Variants in MXRA5 observed in about 807,000 individuals in gnomAD.
MXRA5 encodes matrix remodeling associated 5.
Under a neutral mutation model 112.5 loss-of-function variants are expected in MXRA5, and 41 were observed. That is an observed-to-expected ratio of 0.36 (90% CI 0.28 to 0.47). MXRA5 has a LOEUF of 0.47. Among genes scored for constraint, MXRA5 ranks in the 20% least tolerant of loss-of-function variants. The probability of loss-of-function intolerance (pLI) is 0.99; values close to 1 mark genes in which losing one functional copy is unlikely to be tolerated. For synonymous variants in MXRA5, 862 were observed against 900.8 expected (o/e 0.96, Z 0.77); for missense variants, 2,150 against 2,251.0 (o/e 0.96, Z 0.91).
Position 3,323,076 on chromosome X carries a change from T to C in MXRA5, c.2609A>G (p.Asn870Ser), listed in dbSNP as rs138091994. ...SASMGLEHNH[N>S]GVILVEPEVT... Reference sequence around the variant, plus strand: ...TTCAGGTTCAACAAGAATAACTCCATTGTGGTTGTGTTCTAGCCCCATGCT... The same window carrying C: ...TTCAGGTTCAACAAGAATAACTCCACTGTGGTTGTGTTCTAGCCCCATGCT... The change falls in exon 5 of 7, where the codon AAT becomes AGT. Residue 870 changes from asparagine (N) to serine (S), a missense_variant. By Grantham distance (46) the Asn-to-Ser change is conservative. Transcript: ENST00000217939. 4.5e-5 allele frequency: 54 copies of C among 1,209,876 alleles called. No individual in the cohort carries two copies. Among genetic ancestry groups the C allele is most frequent in the African/African-American group, 3.8e-4 (22 of 57,145 alleles).
intron 2 of MXRA5, among the ~76,000 whole-genome samples, chrX:3,331,939 G>T (rs752573391): frequency 2.6e-4 from 29 of 112,016 alleles, no homozygotes; most frequent in Admixed American, 5.7e-4. Flanking sequence ...ATCACTGATT[G>T]CTTCTTCTTA....
rs1225382890 is a variant in MXRA5, at chrX:3,309,152, C to T, written c.*564G>A. ...TTTCTTTTTTCATATAAAATGGTAG[C>T]TGTATGTATGTAACTCTGAATTAAA... On this transcript the variant is annotated 3_prime_UTR_variant, in exon 7 of 7. Transcript: ENST00000217939. The T allele has an allele frequency of 6.3e-5, 7 of 110,445 alleles. No homozygotes were observed. Among genetic ancestry groups the T allele is most frequent in the Non-Finnish European group, 1.3e-4 (7 of 53,013 alleles). 9.1% of individuals were successfully genotyped at this position (110,445 alleles called of 1,213,427 possible). A position where few individuals can be genotyped will look rare whatever the true frequency, so the allele number is the denominator to read the frequency against.
rs1921173542 is a variant in MXRA5 at position 3,317,406 on chromosome X, G to A, written c.6275C>T (p.Ser2092Leu). The part of the protein sequence containing the change: ...VLGDGTQIRP[S>L]QFLHGNLFVF... ...AAACAAGTTCCCGTGGAGGAACTGC[G>A]AGGGGCGGATCTGGGTACCGTCCCC... The change falls in exon 6 of 7, where the codon TCG becomes TTG. Residue 2092 changes from serine (S) to leucine (L), a missense_variant. By Grantham distance (145) the Ser-to-Leu change is moderately radical (BLOSUM62 -2). This residue lies in a region of MXRA5 where 1,485 missense variants were observed against 1,471.6 expected (regional missense o/e 1.01). Transcript: ENST00000217939. 2 of 1,205,841 alleles carry A rather than the reference G, an allele frequency of 1.7e-6. No homozygotes were observed. The highest frequency in any genetic ancestry group is 1.8e-5 in the South Asian group (1 of 56,001).
chrX:3,316,342 A>G (rs1166032413), intron 6 of MXRA5, among the ~76,000 whole-genome samples: 1 of 94,044 alleles, frequency 1.1e-5, no homozygotes, highest in Non-Finnish European at 2.1e-5. Context: ...AAATAAATAA[A>G]TAAATAAATA....
intron 4 of MXRA5, among the ~76,000 whole-genome samples, chrX:3,328,785 A>G (rs1312908712): frequency 1.1e-5 from 1 of 94,215 alleles, no homozygotes; most frequent in Non-Finnish European, 2.1e-5. Context: ...ATAGGGAGGG[A>G]GGGAGAGTGA....
At chrX:3,331,919 C>A (rs1921672948) in intron 2 of MXRA5, among the ~76,000 whole-genome samples, 1 of 112,203 alleles carries the variant, frequency 8.9e-6, no homozygotes. Flanking sequence ...CATAACACAT[C>A]TAGCCTGATA....
Position 3,322,647 on chromosome X carries a change from C to T in MXRA5, c.3038G>A (p.Ser1013Asn), listed in dbSNP as rs200361937. Residue 1013 changes from serine to asparagine, a missense_variant, in exon 5 of 7, where the codon AGT becomes AAT. Physicochemically the swap from Ser to Asn is conservative, Grantham distance 46. Transcript: ENST00000217939. ...AGAATCCTCAAATAACTGTGATGTA[C>T]TGGAGTCATTAACCCAGATGGTGGG... is the stretch of plus-strand genomic sequence containing the variant. Reference protein sequence around the residue: ...PTPTIWVNDSSTSQLFEDSTI... With the variant: ...PTPTIWVNDSNTSQLFEDSTI... 8.3e-6 allele frequency: 10 copies of T among 1,209,927 alleles called. No homozygotes were observed. In the East Asian group the frequency reaches 2.7e-4, roughly 32 times the overall value.
intron 2 of MXRA5, among the ~76,000 whole-genome samples, chrX:3,342,028 GTACATA>G (rs1270998374): frequency 1.6e-5 from 1 of 61,353 alleles, no homozygotes; most frequent in Non-Finnish European, 4.0e-5. Flanking sequence ...AGAAAATGTG[GTACATA>G]TACACCATGG....
At chrX:3,332,712 C>T (rs1921696438) in intron 2 of MXRA5, among the ~76,000 whole-genome samples, 2 of 112,014 alleles carry the variant, frequency 1.8e-5, no homozygotes, top group Admixed American at 1.9e-4. Context: ...AGTCAATGAA[C>T]AATCATATAT....
chrX:3,320,236 A>C lies in MXRA5; in HGVS notation c.5449T>G (p.Ser1817Ala), dbSNP rs201208929. ...GACTGGACAGAAGATGTTATAAAGG[A>C]GATAGAACTCTGGGTGGAAGAGACC... ...PMVSSTQSSI[S>A]FITSSVQSSG... is the part of the protein sequence containing the mutation. The change falls in exon 5 of 7, where the codon TCC becomes GCC. Residue 1817 changes from serine to alanine, a missense_variant. Coordinates refer to ENST00000217939, the MANE Select transcript of MXRA5 (RefSeq NM_015419.4). 20 of 1,210,882 alleles carry C rather than the reference A, an allele frequency of 1.7e-5. No homozygotes were observed. The highest frequency in any genetic ancestry group is 2.2e-5 in the Non-Finnish European group (20 of 894,975).
chrX:3,342,465 T>G (rs760569493), intron 2 of MXRA5, among the ~76,000 whole-genome samples: 1 of 112,359 alleles, frequency 8.9e-6, no homozygotes, highest in South Asian at 3.7e-4. Flanking sequence ...TACAAGATTG[T>G]AAAAAGGGAA....
In MXRA5 at chrX:3,322,054, T is replaced by G. The variant is rs754166890; in HGVS notation, c.3631A>C (p.Asn1211His). ...TCCATTTCCAACTGTTTGGGGGTAT[T>G]AACTGTGTTATCCACCCAAGCTGTA... is the stretch of plus-strand genomic sequence containing the variant. ...VPTAWVDNTVNTPKQLEMEKN... is the reference protein window; with the variant it reads ...VPTAWVDNTVHTPKQLEMEKN... Residue 1211 changes from asparagine to histidine, a missense_variant, in exon 5 of 7, where the codon AAT becomes CAT. Coordinates refer to ENST00000217939, the MANE Select transcript of MXRA5 (RefSeq NM_015419.4). 1 of 1,211,112 alleles carries G rather than the reference T, an allele frequency of 8.3e-7. No individual in the cohort carries two copies. The highest frequency in any genetic ancestry group is 3.0e-5 in the East Asian group (1 of 33,838).
In MXRA5 at chrX:3,317,527, C is replaced by T. The variant is rs1463329092; in HGVS notation, c.6154G>A (p.Glu2052Lys). Residue 2052 changes from glutamate to lysine, a missense_variant, in exon 6 of 7, where the codon GAG (glutamate) becomes AAG (lysine). By Grantham distance (56) the Glu-to-Lys change is moderately conservative. Around this residue, in one of 6 missense-constraint regions of MXRA5, gnomAD observed 1,485 missense variants for 1,471.6 expected, o/e 1.01. Coordinates refer to ENST00000217939, the MANE Select transcript of MXRA5 (RefSeq NM_015419.4). ...GGCAGCGAGATGTTCTCCAGCTTCTCCTGGTGGATAACGGGGGGCAGTGCC... is the reference window on the plus strand; with the variant it reads ...GGCAGCGAGATGTTCTCCAGCTTCTTCTGGTGGATAACGGGGGGCAGTGCC... The part of the protein sequence containing the change: ...VAALPPVIHQ[E>K]KLENISLPPG... The T allele has an allele frequency of 8.3e-6, 10 of 1,205,146 alleles. No individual in the cohort carries two copies. The highest frequency in any genetic ancestry group is 6.6e-5 in the Admixed American group (3 of 45,446).
At chrX:3,332,159 G>T (rs1381444224) in intron 2 of MXRA5, among the ~76,000 whole-genome samples, 1 of 112,362 alleles carries the variant, frequency 8.9e-6, no homozygotes, top group Non-Finnish European at 1.9e-5. Flanking sequence ...ATTTTTGAGT[G>T]CAGGAAATTT....
At chrX:3,315,373 A>ATAGATAGAAGGATGGATAGATGATGG (rs774517413) in intron 6 of MXRA5, among the ~76,000 whole-genome samples, 3 of 48,210 alleles carry the variant, frequency 6.2e-5, no homozygotes, top group African/African-American at 2.0e-4. Flanking sequence ...AGATAGATAG[A>ATAGATAGAAGGATGGATAGATGATGG]ATAGATAGAT....
Position 3,310,786 on chromosome X carries a change from T to A in MXRA5, c.7417A>T (p.Thr2473Ser). 3.3e-6 allele frequency: 4 copies of A among 1,206,959 alleles called. No homozygotes were observed. Among genetic ancestry groups the A allele is most frequent in the East Asian group, 3.0e-5 (1 of 33,658 alleles). ...GGAAAAGCCCATAACACCCTCGGGGTGGGGATGCCTTCAGCTTTGCAGTCA... is the reference window on the plus strand; with the variant it reads ...GGAAAAGCCCATAACACCCTCGGGGAGGGGATGCCTTCAGCTTTGCAGTCA... ...LIDCKAEGIP[T>S]PRVLWAFPEG... is the part of the protein sequence containing the mutation. Residue 2473 changes from threonine to serine, a missense_variant, in exon 7 of 7, where the codon ACC (threonine) becomes TCC (serine). By Grantham distance (58) the Thr-to-Ser change is moderately conservative. Transcript: ENST00000217939.
In MXRA5 at chrX:3,323,946, G is replaced by C. The variant is rs761426489; in HGVS notation, c.1739C>G (p.Ala580Gly). The change falls in exon 5 of 7, where the codon GCC becomes GGC. Residue 580 changes from alanine (A) to glycine (G), a missense_variant. By Grantham distance (60) the Ala-to-Gly change is moderately conservative. This residue lies in a region of MXRA5 where 1,485 missense variants were observed against 1,471.6 expected (regional missense o/e 1.01). Coordinates refer to ENST00000217939, the MANE Select transcript of MXRA5 (RefSeq NM_015419.4). ...GCCAATTGTCACTGTGTCTTTCTCG[G>C]CTGGCTGAGTGGAGGGAGACTGCAC... ...VLVQSPSTQP[A>G]EKDTVTIGKN... 1.7e-6 allele frequency: 2 copies of C among 1,205,958 alleles called. No individual in the cohort carries two copies.
rs1330470215 is a variant in MXRA5 at position 3,324,677 on chromosome X, G to C, written c.1008C>G (p.Ile336Met). ...TCTTGTACACATCCATTGGTTTCTT[G>C]ATGTCACAGACCAAGTTCACCATGT... ...HGNMVNLVCD[I>M]KKPMDVYKIH... The change falls in exon 5 of 7, where the codon ATC becomes ATG. Residue 336 changes from isoleucine to methionine, a missense_variant. Coordinates refer to ENST00000217939, the MANE Select transcript of MXRA5 (RefSeq NM_015419.4). 4.1e-6 allele frequency: 5 copies of C among 1,210,377 alleles called. No homozygotes were observed. The East Asian group carries it at 1.5e-4, about 36-fold the overall frequency.
intron 2 of MXRA5, among the ~76,000 whole-genome samples, chrX:3,337,464 T>C (rs1404136703): frequency 4.5e-5 from 5 of 111,946 alleles, no homozygotes. Flanking sequence ...TGTCTATCTG[T>C]CCCTCTGTCT....
Sources: allele counts gnomAD v4.1 joint callset (sites outside exome capture counted in the v4.1 genomes callset), GRCh38; gene constraint gnomAD v4.1.1; regional missense constraint gnomAD v4.1.1; transcripts MANE v1.5; gene names NCBI Gene and HGNC (gene_info 2026-07-23, HGNC 2026-07-21).